The following SPAG17 variants were observed in gnomAD, a reference collection of about 807,000 sequenced individuals.
The protein encoded by SPAG17 is sperm associated antigen 17.
Under a neutral mutation model 273.6 loss-of-function variants are expected in SPAG17, and 169 were observed. That is an observed-to-expected ratio of 0.62 (90% CI 0.55 to 0.70). The LOEUF (loss-of-function observed/expected upper bound fraction) is 0.70. SPAG17 is among the 30% of genes least tolerant of loss of function. SPAG17 has a pLI of 0.00. For synonymous variants in SPAG17, 825 were observed against 873.2 expected (o/e 0.94, Z 0.97); for missense variants, 2,557 against 2,627.8 (o/e 0.97, Z 0.59).
At chr1:117,966,528 T>C (rs1237212180) in intron 47 of SPAG17, 81 bp downstream of exon 47, 1 of 1,231,138 alleles carries the variant, frequency 8.1e-7, no homozygotes, top group Non-Finnish European at 1.1e-6. Context: ...AAAGTAGAGA[T>C]GCATTTTGAC....
Position 118,148,401 on chromosome 1 carries a change from T to C in SPAG17, c.315+2142A>G, listed in dbSNP as rs558880755. On this transcript the variant is annotated intron_variant, in intron 3 of 48. Coordinates refer to ENST00000336338, the MANE Select transcript of SPAG17 (RefSeq NM_206996.4). ...ACTCGGCAAGGGTACACGAACCTGC[T>C]GCAAGGTGCTAGCTCAGGTGGCCAG... Among the ~76,000 whole-genome samples the C allele has an allele frequency of 1.6e-4, 25 of 152,340 alleles. No individual in the cohort carries two copies. In the South Asian group the frequency reaches 2.9e-3, roughly 18 times the overall value.
At chr1:118,148,852 A>G (rs892553344) in intron 3 of SPAG17, among the ~76,000 whole-genome samples, 1 of 152,170 alleles carries the variant, frequency 6.6e-6, no homozygotes, top group Admixed American at 6.5e-5. Flanking sequence ...TGACTTTTCA[A>G]TTGTCTTGGG....
chr1:118,064,583 T>C (rs1373574267), intron 18 of SPAG17, among the ~76,000 whole-genome samples: 1 of 101,826 alleles, frequency 9.8e-6, no homozygotes, highest in Non-Finnish European at 1.9e-5. Context: ...TTGGGGCCTG[T>C]TGTGGGGTGG....
intron 27 of SPAG17, among the ~76,000 whole-genome samples, chr1:118,024,350 C>A (rs141414354): frequency 6.6e-6 from 1 of 152,024 alleles, no homozygotes; most frequent in African/African-American, 2.4e-5. Flanking sequence ...TTTCTAAGAA[C>A]TCTTGATATT....
chr1:118,133,785 A>G (rs1024399436), intron 3 of SPAG17, among the ~76,000 whole-genome samples: 5 of 152,138 alleles, frequency 3.3e-5, no homozygotes, highest in Non-Finnish European at 7.4e-5. Flanking sequence ...TCCTTTTTGT[A>G]TTATTCACAG....
At chr1:118,128,789 C>T (rs1233702376) in intron 3 of SPAG17, among the ~76,000 whole-genome samples, 1 of 152,160 alleles carries the variant, frequency 6.6e-6, no homozygotes, top group Non-Finnish European at 1.5e-5. Flanking sequence ...ATTGCTCCTC[C>T]ATCATGTCAC....
At chr1:117,964,041 A>G in intron 47 of SPAG17, 103 bp from the exon 48 acceptor site, 1 of 1,357,202 alleles carries the variant, frequency 7.4e-7, no homozygotes, top group Non-Finnish European at 1.0e-6. Flanking sequence ...TGGCAACATC[A>G]GTTCAATTTT....
At chr1:118,116,437 C>A (rs1029412305) in intron 3 of SPAG17, among the ~76,000 whole-genome samples, 1 of 152,056 alleles carries the variant, frequency 6.6e-6, no homozygotes, top group Non-Finnish European at 1.5e-5. Flanking sequence ...TTTTCTCCCC[C>A]CTTGGAGTAA....
rs1305755278 is a variant in SPAG17, at chr1:118,066,808, AT to A, written c.2476del (p.Met826Ter). 1 of 1,613,742 alleles carries A rather than the reference AT, an allele frequency of 6.2e-7. No individual in the cohort carries two copies. The highest frequency in any genetic ancestry group is 8.5e-7 in the Non-Finnish European group (1 of 1,179,806). On this transcript the variant is annotated frameshift_variant, in exon 18 of 49. Coordinates refer to ENST00000336338, the MANE Select transcript of SPAG17 (RefSeq NM_206996.4). LOFTEE classifies it high-confidence loss of function. ...NSLLLVFHNPMNRQRLHCEYW... is the reference protein window; with the variant it reads ...NSLLLVFHNPXNRQRLHCEYW... ...TTCACAATGCAAACGTTGTCTATTC[AT>A]TGGATTGTGAAAGACTAAAAGTAAA...
At chr1:118,045,094 T>C (rs758217655) in intron 20 of SPAG17, among the ~76,000 whole-genome samples, 1 of 152,218 alleles carries the variant, frequency 6.6e-6, no homozygotes, top group Non-Finnish European at 1.5e-5. Flanking sequence ...CTGAGTTTAA[T>C]AGCAACTGTG....
At chr1:117,956,665 C>T (rs775652647) in intron 48 of SPAG17, among the ~76,000 whole-genome samples, 2 of 146,436 alleles carry the variant, frequency 1.4e-5, no homozygotes, top group Non-Finnish European at 3.0e-5. Context: ...TAAAAGGCTA[C>T]AAAATTAGCA....
Position 118,115,445 on chromosome 1 carries a change from T to A in SPAG17, c.316-4A>T. 1 of 1,605,132 alleles carries A rather than the reference T, an allele frequency of 6.2e-7. No homozygotes were observed. Among genetic ancestry groups the A allele is most frequent in the Middle Eastern group, 1.7e-4 (1 of 6,018 alleles). ...TTGCTTTTGCTGCCGTTAACACCTA[T>A]ACAGAAACACAATTATTAGAAAAAG... On this transcript the variant is annotated splice_polypyrimidine_tract_variant and splice_region_variant and intron_variant, in intron 3 of 48. Transcript: ENST00000336338.
rs368357492 is a variant in SPAG17, at chr1:118,003,343, G to C, written c.4776+2071C>G. On this transcript the variant is annotated intron_variant, in intron 32 of 48. Coordinates refer to ENST00000336338, the MANE Select transcript of SPAG17 (RefSeq NM_206996.4). ...GAGGAGTATCTTTGTGATGTTCTCT[G>C]TATTTCCTGAATTTGAATGTTGGCC... Among the ~76,000 whole-genome samples the C allele has an allele frequency of 2.6e-4, 39 of 152,240 alleles. No homozygotes were observed. In the South Asian group the frequency reaches 8.1e-3, roughly 32 times the overall value.
At chr1:118,043,826 A>G (rs1557949066) in intron 20 of SPAG17, among the ~76,000 whole-genome samples, 1 of 152,378 alleles carries the variant, frequency 6.6e-6, no homozygotes, top group East Asian at 1.9e-4. Flanking sequence ...TACTTGACTC[A>G]GCAAAAAAGT....
chr1:118,032,460 G>T (rs890892653), intron 24 of SPAG17, among the ~76,000 whole-genome samples: 5 of 152,040 alleles, frequency 3.3e-5, no homozygotes, highest in Non-Finnish European at 7.4e-5. Flanking sequence ...AAAGCATCCT[G>T]TGTGTCATGA....
chr1:117,998,719 C>G (rs1355796376), intron 32 of SPAG17, among the ~76,000 whole-genome samples: 2 of 152,116 alleles, frequency 1.3e-5, no homozygotes, highest in Non-Finnish European at 2.9e-5. Context: ...GTTGTGTCAT[C>G]TCTGATTTCT....
chr1:118,153,654 C>T (rs1290404923), intron 1 of SPAG17, among the ~76,000 whole-genome samples: 1 of 152,070 alleles, frequency 6.6e-6, no homozygotes, highest in East Asian at 1.9e-4. Context: ...CGAGACCATT[C>T]TGGCTAACAT....
At chr1:118,090,186 G>C (rs1655271755) in intron 10 of SPAG17, among the ~76,000 whole-genome samples, 1 of 152,148 alleles carries the variant, frequency 6.6e-6, no homozygotes, top group African/African-American at 2.4e-5. Context: ...AAAGCATTTA[G>C]AACAGTGCCT....
intron 34 of SPAG17, among the ~76,000 whole-genome samples, chr1:117,995,128 C>T (rs1470861338): frequency 2.0e-5 from 3 of 152,072 alleles, no homozygotes; most frequent in African/African-American, 7.2e-5. Context: ...TATGCTTTCT[C>T]CTTTATGTTT....
Sources: gnomAD v4.1 joint callset for allele counts (sites outside exome capture counted in the v4.1 genomes callset) on GRCh38, gnomAD v4.1.1 for gene constraint, MANE v1.5 for transcripts, NCBI Gene and HGNC (gene_info 2026-07-23, HGNC 2026-07-21) for gene names.